MINK1: variants seen among roughly 807,000 people sequenced by gnomAD.
MINK1 encodes misshapen-like kinase 1.
A neutral mutation model predicts 178.4 loss-of-function variants in MINK1; 46 were observed. That is an observed-to-expected ratio of 0.26 (90% CI 0.20 to 0.33). MINK1 has a LOEUF of 0.33. MINK1 is among the 10% of genes least tolerant of loss of function. The pLI is 1.00. For synonymous variants in MINK1, 797 were observed against 709.7 expected (o/e 1.12, Z -1.96); for missense variants, 1,366 against 1,814.9 (o/e 0.75, Z 4.49).
chr17:4,889,489 C>G (rs1968551801), intron 12 of MINK1, among the ~76,000 whole-genome samples, 158 bp from the exon 13 acceptor site: 2 of 152,124 alleles, frequency 1.3e-5, no homozygotes, highest in South Asian at 2.1e-4. Context: ...CCCGCGGGCC[C>G]TTGGGTGGGG....
intron 1 of MINK1, among the ~76,000 whole-genome samples, chr17:4,864,475 G>A (rs560799253): frequency 6.6e-6 from 1 of 152,184 alleles, no homozygotes; most frequent in African/African-American, 2.4e-5. Context: ...TGTAATCCCA[G>A]TACTTTGGGA....
In MINK1 at chr17:4,891,588, G is replaced by C. The variant is rs377523648; in HGVS notation, c.1873G>C (p.Ala625Pro). 6.2e-7 allele frequency: 1 copy of C among 1,603,988 alleles called. No individual in the cohort carries two copies. The highest frequency in any genetic ancestry group is 1.1e-5 in the South Asian group (1 of 89,216). The change falls in exon 16 of 32, where the codon GCA (alanine) becomes CCA (proline). Residue 625 changes from alanine (A) to proline (P), a missense_variant. Around this residue, in one of 14 missense-constraint regions of MINK1, gnomAD observed 709 missense variants for 692.3 expected, o/e 1.02. Transcript: ENST00000355280. ...CCATGACCCCGACCCTGCCATCCCC[G>C]CACCCACTGCCACGCCCAGTGCCCG... is the stretch of plus-strand genomic sequence containing the variant. ...ASHDPDPAIP[A>P]PTATPSARGA...
chr17:4,838,408 C>T (rs1909623556), intron 1 of MINK1, among the ~76,000 whole-genome samples: 1 of 152,182 alleles, frequency 6.6e-6, no homozygotes, highest in Non-Finnish European at 1.5e-5. Context: ...AGAGAGCCAG[C>T]TGGCCCACCC....
chr17:4,886,616 G>T lies in MINK1; in HGVS notation c.939G>T (p.Arg313=). 6.3e-7 allele frequency: 1 copy of T among 1,591,808 alleles called. No individual in the cohort carries two copies. Among genetic ancestry groups the T allele is most frequent in the Non-Finnish European group, 8.6e-7 (1 of 1,167,704 alleles). Residue 313 remains arginine (R), a synonymous_variant, in exon 10 of 32, where the codon CGG becomes CGT. Transcript: ENST00000355280. The surrounding 1 kb of genome is among the most constrained non-coding windows in gnomAD (Gnocchi z 6.1). ...KDHIDRSRKK[R]GEKEETEYEY... ...ACATTGACCGATCCCGGAAGAAGCG[G>T]GGTGAGAAAGGTCAGTGGGCAGGCT...
At position 4,886,613 on chromosome 17, in the gene MINK1, G is replaced by A. The variant is rs2151018031; in HGVS notation, c.936G>A (p.Lys312=). Residue 312 remains lysine (K), a synonymous_variant, in exon 10 of 32, where the codon AAG becomes AAA. Coordinates refer to ENST00000355280, the MANE Select transcript of MINK1 (RefSeq NM_153827.5). The surrounding 1 kb of genome is among the most constrained non-coding windows in gnomAD (Gnocchi z 6.1). ...ACCACATTGACCGATCCCGGAAGAAGCGGGGTGAGAAAGGTCAGTGGGCAG... is the reference window on the plus strand; with the variant it reads ...ACCACATTGACCGATCCCGGAAGAAACGGGGTGAGAAAGGTCAGTGGGCAG... ...LKDHIDRSRK[K]RGEKEETEYE... 1 of 1,596,562 alleles carries A rather than the reference G, an allele frequency of 6.3e-7. No homozygotes were observed. Among genetic ancestry groups the A allele is most frequent in the Non-Finnish European group, 8.5e-7 (1 of 1,170,456 alleles).
intron 1 of MINK1, among the ~76,000 whole-genome samples, chr17:4,842,622 C>G (rs1910422845): frequency 6.6e-6 from 1 of 152,190 alleles, no homozygotes; most frequent in African/African-American, 2.4e-5. Context: ...CTCTTTCTTT[C>G]AAGGCACATT....
Position 4,887,775 on chromosome 17 carries a change from G to GCGC in MINK1, c.1219_1221dup (p.Arg407dup), listed in dbSNP as rs1482898533. 2.6e-6 allele frequency: 4 copies of GCGC among 1,522,564 alleles called. No individual in the cohort carries two copies. The highest frequency in any genetic ancestry group is 3.5e-6 in the Non-Finnish European group (4 of 1,133,118). The allele number at this position is 1,522,564 out of a possible 1,614,324, so 94.3% of individuals were successfully genotyped here. On this transcript the variant is annotated inframe_insertion, in exon 12 of 32. Coordinates refer to ENST00000355280, the MANE Select transcript of MINK1 (RefSeq NM_153827.5). This position sits in a 1 kb window ranked among gnomAD's most constrained non-coding sequence, Gnocchi z 7.6. ...GCATAGAGGAGCAGAAGGAGGAGCG[G>GCGC]CGCCGCGTGGAGGAGGTGGGCTGTC...
At chr17:4,853,273 TGGTTGGTAGGTAGA>T in intron 1 of MINK1, among the ~76,000 whole-genome samples, 1 of 56,164 alleles carries the variant, frequency 1.8e-5, no homozygotes, top group African/African-American at 8.1e-5. Flanking sequence ...GGGGGGAATG[TGGTTGGTAGGTAGA>T]GTGGTTGGTG....
chr17:4,894,510 G>C lies in MINK1; in HGVS notation c.2809-15G>C. ...ACTTGCACTTGTTTGCCTGACTGCT[G>C]TCCCCCTACCACAGTACCAGTCTCG... On this transcript the variant is annotated splice_polypyrimidine_tract_variant and intron_variant, in intron 23 of 31. Coordinates refer to ENST00000355280, the MANE Select transcript of MINK1 (RefSeq NM_153827.5). This position sits in a 1 kb window ranked among gnomAD's most constrained non-coding sequence, Gnocchi z 4.1. 6 of 1,580,314 alleles carry C rather than the reference G, an allele frequency of 3.8e-6. No homozygotes were observed. The highest frequency in any genetic ancestry group is 5.2e-6 in the Non-Finnish European group (6 of 1,162,008).
intron 1 of MINK1, chr17:4,847,249 C>G (rs758281766): frequency 5.5e-5 from 25 of 458,112 alleles, no homozygotes; most frequent in Admixed American, 3.1e-4. Context: ...TTCATTCATT[C>G]ATTCATTCAT....
Position 4,833,424 on chromosome 17 carries a change from G to C in MINK1, c.-160G>C, listed in dbSNP as rs1374740248. ...GGGAGATAGCGCCTGTCAGTCGGTG[G>C]GTCGGTCCTCGCGCCGGCCCTCCCC... On this transcript the variant is annotated 5_prime_UTR_variant, in exon 1 of 32. Transcript: ENST00000355280. This position sits in a 1 kb window ranked among gnomAD's most constrained non-coding sequence, Gnocchi z 4.8. 8.8e-6 allele frequency: 5 copies of C among 567,696 alleles called. No homozygotes were observed. In the Admixed American group the frequency reaches 1.8e-4, roughly 20 times the overall value. The allele number at this position is 567,696 out of a possible 1,614,324, so 35.2% of individuals were successfully genotyped here.
rs1438240083 is a variant in MINK1, at chr17:4,896,996, A to G, written c.3915+183A>G. 1 of 987,682 alleles carries G rather than the reference A, an allele frequency of 1.0e-6. No homozygotes were observed. 61.2% of individuals were successfully genotyped at this position (987,682 alleles called of 1,614,324 possible). On this transcript the variant is annotated intron_variant, in intron 31 of 31. Coordinates refer to ENST00000355280, the MANE Select transcript of MINK1 (RefSeq NM_153827.5). This position sits in a 1 kb window ranked among gnomAD's most constrained non-coding sequence, Gnocchi z 4.6. ...TCCCTTCAGATTCCGAGGACTTCCC[A>G]GCTGGCCCCCAGGGGGCGAGTGGTG...
intron 1 of MINK1, among the ~76,000 whole-genome samples, chr17:4,863,455 A>G (rs1413405342): frequency 6.6e-6 from 1 of 152,016 alleles, no homozygotes; most frequent in Admixed American, 6.6e-5. Flanking sequence ...TCAATCTTGG[A>G]CTGGCTCCCT....
chr17:4,887,753 T>C lies in MINK1; in HGVS notation c.1193T>C (p.Ile398Thr). ...KHLLHQRQRRIEEQKEERRRV... is the reference protein window; with the variant it reads ...KHLLHQRQRRTEEQKEERRRV... ...CTGCTGCACCAGCGGCAGCGGCGCA[T>C]AGAGGAGCAGAAGGAGGAGCGGCGC... The change falls in exon 12 of 32, where the codon ATA (isoleucine) becomes ACA (threonine). Residue 398 changes from isoleucine (I) to threonine (T), a missense_variant. By Grantham distance (89) the Ile-to-Thr change is moderately conservative (BLOSUM62 -1). Around this residue, in one of 14 missense-constraint regions of MINK1, gnomAD observed 18 missense variants for 40.7 expected, o/e 0.44. Transcript: ENST00000355280. This position sits in a 1 kb window ranked among gnomAD's most constrained non-coding sequence, Gnocchi z 7.6. 3 of 1,543,972 alleles carry C rather than the reference T, an allele frequency of 1.9e-6. No homozygotes were observed. Among genetic ancestry groups the C allele is most frequent in the Non-Finnish European group, 2.6e-6 (3 of 1,144,078 alleles).
chr17:4,867,027 C>T (rs1915087259), intron 1 of MINK1, among the ~76,000 whole-genome samples: 1 of 142,146 alleles, frequency 7.0e-6, no homozygotes, highest in African/African-American at 2.7e-5. Flanking sequence ...GAACCGGGAC[C>T]GTGCCGCTTG....
At chr17:4,862,895 C>T (rs1390335370) in intron 1 of MINK1, among the ~76,000 whole-genome samples, 2 of 151,922 alleles carry the variant, frequency 1.3e-5, no homozygotes, top group East Asian at 3.9e-4. Flanking sequence ...AGTAGCTGGG[C>T]ATGATGGTGC....
rs2151055390 is a variant in MINK1 at position 4,892,707 on chromosome 17, C to T, written c.2250C>T (p.Val750=). 6.2e-7 allele frequency: 1 copy of T among 1,612,130 alleles called. No homozygotes were observed. The highest frequency in any genetic ancestry group is 1.3e-5 in the African/African-American group (1 of 75,050). The change falls in exon 19 of 32, where the codon GTC becomes GTT. Residue 750 remains valine, a synonymous_variant. Transcript: ENST00000355280. ...CTGGCTGGGAACGCTCGGACAGCGT[C>T]CTTCCAGCCTCTCACGGGCACCTCC... is the stretch of plus-strand genomic sequence containing the variant. ...SDPGWERSDS[V]LPASHGHLPQ... is the part of the protein sequence containing the mutation.
chr17:4,891,721 G>T lies in MINK1; in HGVS notation c.2001+5G>T, dbSNP rs1968838760. The T allele has an allele frequency of 1.3e-5, 20 of 1,598,486 alleles. No homozygotes were observed. The highest frequency in any genetic ancestry group is 1.7e-5 in the Non-Finnish European group (20 of 1,172,714). On this transcript the variant is annotated splice_donor_5th_base_variant and intron_variant, in intron 16 of 31. Coordinates refer to ENST00000355280, the MANE Select transcript of MINK1 (RefSeq NM_153827.5). Reference sequence around the variant, plus strand: ...GATAACGAGGCCCCACCCAAGGTAAGGACAGTTCTGCAGGCCCAGGGAAAA... The same window carrying T: ...GATAACGAGGCCCCACCCAAGGTAATGACAGTTCTGCAGGCCCAGGGAAAA...
intron 1 of MINK1, among the ~76,000 whole-genome samples, chr17:4,842,441 C>G (rs1910396633): frequency 6.6e-6 from 1 of 152,100 alleles, no homozygotes. Context: ...TTCCTAAGTC[C>G]CCTGTGTACT....
Sources: allele counts gnomAD v4.1 joint callset (sites outside exome capture counted in the v4.1 genomes callset), GRCh38; gene constraint gnomAD v4.1.1; regional missense constraint gnomAD v4.1.1; non-coding constraint Gnocchi (gnomAD v3.1); transcripts MANE v1.5; gene names NCBI Gene and HGNC (gene_info 2026-07-23, HGNC 2026-07-21).